Variants in MCC observed in about 807,000 individuals in gnomAD.
MCC encodes MCC regulator of Wnt signaling pathway, also known as colorectal mutant cancer protein.
Under a neutral mutation model 116.2 loss-of-function variants are expected in MCC, and 90 were observed. The ratio of observed to expected loss-of-function variants is 0.77; its 90% CI spans 0.65 to 0.92. The LOEUF is 0.92. Ranked by LOEUF, MCC falls within the 40% of genes least tolerant of loss-of-function variation. The pLI, the probability that MCC is intolerant of heterozygous loss-of-function variation, is 0.00. For synonymous variants in MCC, 578 were observed against 510.5 expected, an observed-to-expected ratio of 1.13 and a Z score of -1.78; for missense variants, 1,516 against 1,312.2, an observed-to-expected ratio of 1.16 and a Z score of -2.40.
intron 11 of MCC, among the ~76,000 whole-genome samples, chr5:113,071,727 G>C (rs1392375271): frequency 2.0e-5 from 3 of 152,190 alleles, no homozygotes; most frequent in East Asian, 3.8e-4. Flanking sequence ...TGAGGAAATG[G>C]AGGTCCAGAA....
chr5:113,265,819 C>A (rs1165575654), intron 3 of MCC, among the ~76,000 whole-genome samples: 1 of 152,090 alleles, frequency 6.6e-6, no homozygotes, highest in African/African-American at 2.4e-5. Flanking sequence ...AGAATCATAC[C>A]CCGTTTCCAA....
intron 3 of MCC, among the ~76,000 whole-genome samples, chr5:113,255,728 C>T (rs1054790601): frequency 6.6e-6 from 1 of 152,150 alleles, no homozygotes; most frequent in Non-Finnish European, 1.5e-5. Flanking sequence ...ATTTACGTGG[C>T]CCCAACCACA....
chr5:113,158,599 G>A (rs1057415826), intron 3 of MCC, among the ~76,000 whole-genome samples: 1 of 152,108 alleles, frequency 6.6e-6, no homozygotes, highest in Non-Finnish European at 1.5e-5. Flanking sequence ...CTTGGGCTAG[G>A]CACATTACAT....
At chr5:113,304,803 C>T (rs1283969341) in intron 3 of MCC, among the ~76,000 whole-genome samples, 2 of 151,958 alleles carry the variant, frequency 1.3e-5, no homozygotes, top group Non-Finnish European at 2.9e-5. Flanking sequence ...GGAGTACCTG[C>T]ATATGGTCAA....
chr5:113,158,449 C>T (rs1760296746), intron 3 of MCC, among the ~76,000 whole-genome samples: 1 of 152,246 alleles, frequency 6.6e-6, no homozygotes, highest in South Asian at 2.1e-4. Flanking sequence ...CCTGTTCCAT[C>T]AGCTGCAGAG....
intron 3 of MCC, among the ~76,000 whole-genome samples, chr5:113,235,558 A>C (rs1480374251): frequency 6.6e-6 from 1 of 152,236 alleles, no homozygotes; most frequent in Admixed American, 6.5e-5. Context: ...GGGGAAACAC[A>C]AATAAAATGG....
At chr5:113,280,341 C>T (rs908291736) in intron 3 of MCC, among the ~76,000 whole-genome samples, 1 of 152,140 alleles carries the variant, frequency 6.6e-6, no homozygotes, top group East Asian at 1.9e-4. Context: ...TATCTATCTC[C>T]TAGTATTATT....
chr5:113,232,561 T>A (rs1763975139), intron 3 of MCC, among the ~76,000 whole-genome samples: 1 of 152,154 alleles, frequency 6.6e-6, no homozygotes, highest in Non-Finnish European at 1.5e-5. Flanking sequence ...TACTTGGTAG[T>A]TTTTTCACAT....
At chr5:113,309,016 A>G (rs537307922) in intron 3 of MCC, among the ~76,000 whole-genome samples, 1 of 152,300 alleles carries the variant, frequency 6.6e-6, no homozygotes, top group Admixed American at 6.5e-5. Flanking sequence ...AAAAGAGGCC[A>G]TATTTTTAAA....
At chr5:113,420,723 G>A (rs1490328717) in intron 1 of MCC, among the ~76,000 whole-genome samples, 2 of 152,068 alleles carry the variant, frequency 1.3e-5, no homozygotes, top group Admixed American at 6.6e-5. Context: ...CTCTCAAATC[G>A]GGCCTGCCAT....
At chr5:113,437,601 TACAAAAC>T (rs1197344496) in intron 1 of MCC, among the ~76,000 whole-genome samples, 1 of 152,188 alleles carries the variant, frequency 6.6e-6, no homozygotes, top group East Asian at 1.9e-4. Flanking sequence ...CACATAGACA[TACAAAAC>T]ACCTGGAGAT....
intron 3 of MCC, among the ~76,000 whole-genome samples, chr5:113,307,444 A>G (rs1767017649): frequency 6.6e-6 from 1 of 152,042 alleles, no homozygotes; most frequent in African/African-American, 2.4e-5. Context: ...TTACATTTTT[A>G]GATTGTTTAT....
chr5:113,429,204 T>C (rs1441530096), intron 1 of MCC, among the ~76,000 whole-genome samples: 1 of 152,014 alleles, frequency 6.6e-6, no homozygotes, highest in Non-Finnish European at 1.5e-5. Flanking sequence ...AGGAGGTAAT[T>C]AATGTGAAAT....
chr5:113,268,859 G>C (rs113724805), intron 3 of MCC, among the ~76,000 whole-genome samples: 3,113 of 152,198 alleles, frequency 0.02, 36 homozygotes, highest in Middle Eastern at 0.027. Context: ...ACACCACCTT[G>C]GAGGAGCCAA....
chr5:113,240,360 G>A (rs547282337), intron 3 of MCC, among the ~76,000 whole-genome samples: 31 of 152,294 alleles, frequency 2.0e-4, no homozygotes, highest in South Asian at 1.5e-3. Flanking sequence ...TTTGAAGTCC[G>A]TTTCTAAACT....
intron 3 of MCC, among the ~76,000 whole-genome samples, chr5:113,192,666 GT>G (rs1393882736): frequency 2.0e-5 from 3 of 152,142 alleles, no homozygotes; most frequent in African/African-American, 7.2e-5. Context: ...TTTTCCATAA[GT>G]TTGTAAGGAC....
intron 11 of MCC, among the ~76,000 whole-genome samples, chr5:113,078,610 T>A (rs559853333): frequency 6.6e-6 from 1 of 152,226 alleles, no homozygotes; most frequent in East Asian, 1.9e-4. Context: ...ATTCAACAGC[T>A]CTTCATGCTA....
intron 15 of MCC, among the ~76,000 whole-genome samples, chr5:113,050,915 C>T (rs1032099642): frequency 3.3e-5 from 5 of 152,330 alleles, no homozygotes; most frequent in African/African-American, 7.2e-5. Context: ...CAGACCCCTA[C>T]GGGAGCAGGA....
At chr5:113,255,852 G>A (rs17135507) in intron 3 of MCC, among the ~76,000 whole-genome samples, 16,316 of 152,114 alleles carry the variant, frequency 0.11, 1,383 homozygotes, top group Admixed American at 0.25. Flanking sequence ...ATGCTGCTTG[G>A]AGTGTAGGAC....
Sources: gnomAD v4.1 joint callset for allele counts (sites outside exome capture counted in the v4.1 genomes callset) on GRCh38, gnomAD v4.1.1 for gene constraint, MANE v1.5 for transcripts, NCBI Gene and HGNC (gene_info 2026-07-23, HGNC 2026-07-21) for gene names.